Variants in ADK observed in about 807,000 individuals in gnomAD.
The protein encoded by ADK is N6,N6-dimethyladenosine kinase.
Under a neutral mutation model 44.7 loss-of-function variants are expected in ADK, and 24 were observed. The ratio of observed to expected loss-of-function variants is 0.54; its 90% CI spans 0.39 to 0.76. The LOEUF is 0.76. ADK is among the 30% of genes least tolerant of loss of function. ADK has a pLI of 0.00. For synonymous variants in ADK, 128 were observed against 142.6 expected, an observed-to-expected ratio of 0.90 and a Z score of 0.73; for missense variants, 321 against 425.1, an observed-to-expected ratio of 0.76 and a Z score of 2.15.
intron 9 of ADK, among the ~76,000 whole-genome samples, chr10:74,642,824 G>GT (rs1564833109): frequency 8.4e-6 from 1 of 119,580 alleles, no homozygotes; most frequent in African/African-American, 3.1e-5. Context: ...AAAATCTTAA[G>GT]TTCTTTTTTT....
intron 6 of ADK, among the ~76,000 whole-genome samples, chr10:74,487,848 T>C (rs565452091): frequency 6.6e-6 from 1 of 152,118 alleles, no homozygotes; most frequent in Non-Finnish European, 1.5e-5. Flanking sequence ...AAAAACAGCA[T>C]ACTGAAGCCT....
At chr10:74,697,226 C>T (rs926771824) in intron 10 of ADK, among the ~76,000 whole-genome samples, 10 of 152,064 alleles carry the variant, frequency 6.6e-5, no homozygotes, top group Admixed American at 2.0e-4. Flanking sequence ...GTAATATATA[C>T]TTGTAAAAAG....
chr10:74,580,949 A>C (rs1851352886), intron 7 of ADK, among the ~76,000 whole-genome samples: 1 of 152,086 alleles, frequency 6.6e-6, no homozygotes, highest in African/African-American at 2.4e-5. Context: ...ACAAGAAGAT[A>C]GCTTGAGCCC....
intron 1 of ADK, among the ~76,000 whole-genome samples, chr10:74,156,787 C>T (rs1841759511): frequency 6.6e-6 from 1 of 152,094 alleles, no homozygotes; most frequent in Non-Finnish European, 1.5e-5. Flanking sequence ...CCTCTTTTCT[C>T]ACCTGTAAAA....
At chr10:74,652,200 C>T (rs1645939487) in intron 9 of ADK, among the ~76,000 whole-genome samples, 1 of 151,614 alleles carries the variant, frequency 6.6e-6, no homozygotes, top group African/African-American at 2.4e-5. Context: ...CACCACCACG[C>T]CCAACTAATA....
intron 9 of ADK, among the ~76,000 whole-genome samples, chr10:74,616,341 C>T (rs377386776): frequency 1.3e-5 from 2 of 151,850 alleles, no homozygotes; most frequent in South Asian, 2.1e-4. Flanking sequence ...TCTAAAACTT[C>T]TATTCTTTTA....
At chr10:74,411,223 GA>G (rs202148320) in intron 6 of ADK, among the ~76,000 whole-genome samples, 3 of 150,710 alleles carry the variant, frequency 2.0e-5, no homozygotes, top group Admixed American at 2.0e-4. Flanking sequence ...AGAATAAAAT[GA>G]AAAAAAAATC....
intron 7 of ADK, among the ~76,000 whole-genome samples, chr10:74,541,893 A>G (rs1025974892): frequency 1.4e-5 from 2 of 147,670 alleles, no homozygotes; most frequent in African/African-American, 2.5e-5. Flanking sequence ...TACTGGTAAT[A>G]CTAACTTTGA....
intron 7 of ADK, among the ~76,000 whole-genome samples, chr10:74,575,538 T>C (rs1564800811): frequency 6.6e-6 from 1 of 152,144 alleles, no homozygotes; most frequent in Non-Finnish European, 1.5e-5. Flanking sequence ...GTATTCTAAT[T>C]CACTTAGTAC....
intron 9 of ADK, among the ~76,000 whole-genome samples, chr10:74,629,773 T>G (rs1853345264): frequency 6.6e-6 from 1 of 152,174 alleles, no homozygotes; most frequent in South Asian, 2.1e-4. Context: ...AAGTGACATA[T>G]GAACTGGTTT....
At chr10:74,335,499 C>G (rs113130827) in intron 4 of ADK, among the ~76,000 whole-genome samples, 1 of 152,194 alleles carries the variant, frequency 6.6e-6, no homozygotes, top group Admixed American at 6.5e-5. Context: ...CCTTGTGTCT[C>G]TATCCACTCT....
At chr10:74,241,883 G>A (rs188280092) in intron 3 of ADK, among the ~76,000 whole-genome samples, 2 of 152,204 alleles carry the variant, frequency 1.3e-5, no homozygotes, top group Non-Finnish European at 2.9e-5. Flanking sequence ...TATTTAATCT[G>A]TCTCTTCTAA....
intron 1 of ADK, among the ~76,000 whole-genome samples, chr10:74,192,842 A>C: frequency 6.6e-6 from 1 of 152,126 alleles, no homozygotes; most frequent in East Asian, 1.9e-4. Context: ...TTTACAAATA[A>C]ATCTGTTAGG....
At chr10:74,448,026 T>C (rs572984317) in intron 6 of ADK, among the ~76,000 whole-genome samples, 48 of 152,058 alleles carry the variant, frequency 3.2e-4, no homozygotes, top group African/African-American at 1.1e-3. Context: ...ATACAAAAAA[T>C]GGCAGACGTG....
intron 7 of ADK, among the ~76,000 whole-genome samples, chr10:74,544,449 A>T (rs974484524): frequency 2.0e-5 from 3 of 152,264 alleles, no homozygotes; most frequent in African/African-American, 7.2e-5. Context: ...AGGGTTAATG[A>T]TACCATGTAA....
intron 4 of ADK, among the ~76,000 whole-genome samples, chr10:74,383,675 A>G (rs865916653): frequency 1.3e-5 from 2 of 152,178 alleles, no homozygotes; most frequent in African/African-American, 2.4e-5. Context: ...GTGTTTTTAC[A>G]TTAGGTTTTA....
At position 74,708,754 on chromosome 10, in the gene ADK, A is replaced by G. The variant is rs1856691758; in HGVS notation, c.*309A>G. Reference sequence around the variant, plus strand: ...CTTTGTAAATTCGTGTGTATTTAGTACACTGATTTGTTTTTTTACATTTCT... The same window carrying G: ...CTTTGTAAATTCGTGTGTATTTAGTGCACTGATTTGTTTTTTTACATTTCT... On this transcript the variant is annotated 3_prime_UTR_variant, in exon 11 of 11. Coordinates refer to ENST00000539909, the MANE Select transcript of ADK (RefSeq NM_006721.4). 7.5e-6 allele frequency: 2 copies of G among 266,918 alleles called. No homozygotes were observed. The highest frequency in any genetic ancestry group is 5.0e-5 in the Admixed American group (1 of 19,834). 16.5% of individuals were successfully genotyped at this position (266,918 alleles called of 1,614,324 possible). A position where few individuals can be genotyped will look rare whatever the true frequency, so the allele number is the denominator to read the frequency against.
intron 4 of ADK, chr10:74,344,830 A>G (rs1041617752): frequency 6.2e-5 from 11 of 177,102 alleles, no homozygotes; most frequent in Non-Finnish European, 1.3e-4. Flanking sequence ...TTTATTAGTC[A>G]TCTTCTCTGA....
chr10:74,287,982 CAAA>C (rs367569110), intron 3 of ADK, among the ~76,000 whole-genome samples: 10 of 68,612 alleles, frequency 1.5e-4, no homozygotes, highest in Non-Finnish European at 9.2e-5. Context: ...GACCCTGTCT[CAAA>C]AAAAAAAAAA....
Sources: gnomAD v4.1 joint callset for allele counts (sites outside exome capture counted in the v4.1 genomes callset) on GRCh38, gnomAD v4.1.1 for gene constraint, MANE v1.5 for transcripts, NCBI Gene and HGNC (gene_info 2026-07-23, HGNC 2026-07-21) for gene names.